The following TTC29 variants were observed in gnomAD, a reference collection of about 807,000 sequenced individuals.
The protein encoded by TTC29 is tetratricopeptide repeat domain 29.
TTC29 carries 49 observed loss-of-function variants against 58.1 expected under a neutral mutation model. The ratio of observed to expected loss-of-function variants is 0.84; its 90% CI spans 0.67 to 1.07. The LOEUF (loss-of-function observed/expected upper bound fraction) is 1.07, where lower values mean the gene tolerates loss of function less well. TTC29 is among the 50% of genes least tolerant of loss of function. The pLI is 0.00. For missense variants in TTC29, 582 were observed against 555.6 expected, an observed-to-expected ratio of 1.05 and a Z score of -0.48; for synonymous variants, 209 against 196.8, an observed-to-expected ratio of 1.06 and a Z score of -0.52.
intron 10 of TTC29, among the ~76,000 whole-genome samples, chr4:146,818,173 C>A (rs1233716867): frequency 1.3e-5 from 2 of 152,172 alleles, no homozygotes; most frequent in African/African-American, 2.4e-5. Context: ...AAAATTTTCA[C>A]AATCTACTCA....
chr4:146,830,629 T>C (rs1331286649), intron 9 of TTC29, among the ~76,000 whole-genome samples: 1 of 152,222 alleles, frequency 6.6e-6, no homozygotes, highest in South Asian at 2.1e-4. Context: ...AAGCTTCATA[T>C]GCAACTTGAT....
chr4:146,713,211 A>T (rs927784882), intron 11 of TTC29, among the ~76,000 whole-genome samples: 1 of 151,758 alleles, frequency 6.6e-6, no homozygotes, highest in Non-Finnish European at 1.5e-5. Context: ...TTTAGCAAAC[A>T]TTTAGTCATG....
intron 7 of TTC29, among the ~76,000 whole-genome samples, chr4:146,873,805 T>C (rs979388796): frequency 1.3e-5 from 2 of 152,180 alleles, no homozygotes; most frequent in Admixed American, 1.3e-4. Flanking sequence ...TTTTCCTCTT[T>C]AGTAAATTAA....
intron 5 of TTC29, among the ~76,000 whole-genome samples, chr4:146,904,555 G>A (rs1733396096): frequency 6.6e-6 from 1 of 152,068 alleles, no homozygotes; most frequent in Admixed American, 6.6e-5. Flanking sequence ...AATAAGTTGT[G>A]CCTCAGTCCT....
intron 10 of TTC29, among the ~76,000 whole-genome samples, chr4:146,816,322 G>T (rs960943608): frequency 1.3e-5 from 2 of 152,076 alleles, no homozygotes; most frequent in East Asian, 3.9e-4. Flanking sequence ...GCCTCACAAG[G>T]GTTTAGGTCT....
chr4:146,908,257 A>T (rs1284195752), intron 5 of TTC29, among the ~76,000 whole-genome samples: 1 of 152,186 alleles, frequency 6.6e-6, no homozygotes, highest in African/African-American at 2.4e-5. Context: ...AATTTGGAGA[A>T]AAGAATAATT....
intron 6 of TTC29, among the ~76,000 whole-genome samples, chr4:146,891,068 T>G (rs1407336164): frequency 6.6e-6 from 1 of 152,066 alleles, no homozygotes; most frequent in Non-Finnish European, 1.5e-5. Context: ...ACAGCAATGA[T>G]GATGAAGGGG....
chr4:146,724,606 T>C (rs984472941), intron 11 of TTC29, among the ~76,000 whole-genome samples: 2 of 151,974 alleles, frequency 1.3e-5, no homozygotes, highest in Non-Finnish European at 2.9e-5. Context: ...CTCTGCCTCC[T>C]GAGTTCAAGC....
At chr4:146,810,928 G>T (rs1233916691) in intron 10 of TTC29, among the ~76,000 whole-genome samples, 3 of 151,896 alleles carry the variant, frequency 2.0e-5, no homozygotes, top group Admixed American at 6.6e-5. Flanking sequence ...GTTAATGGAT[G>T]GTGAAAATAA....
intron 6 of TTC29, among the ~76,000 whole-genome samples, chr4:146,896,020 T>C (rs1732745578): frequency 2.6e-5 from 4 of 152,198 alleles, no homozygotes; most frequent in African/African-American, 9.6e-5. Flanking sequence ...AAATCATACT[T>C]AAATTTTATA....
chr4:146,939,911 G>T lies in TTC29; in HGVS notation c.-6-10C>A. On this transcript the variant is annotated splice_polypyrimidine_tract_variant and intron_variant, in intron 2 of 12. Transcript: ENST00000325106. ...GGGTGGTCATTTCGGACTACAAAAAGAAATAAGTAGAAATTGTATTTTAAG... is the reference window on the plus strand; with the variant it reads ...GGGTGGTCATTTCGGACTACAAAAATAAATAAGTAGAAATTGTATTTTAAG... 6 of 1,592,986 alleles carry T rather than the reference G, an allele frequency of 3.8e-6. No individual in the cohort carries two copies. The highest frequency in any genetic ancestry group is 3.4e-6 in the Non-Finnish European group (4 of 1,171,878).
At chr4:146,774,428 T>C (rs1747947131) in intron 11 of TTC29, among the ~76,000 whole-genome samples, 1 of 152,116 alleles carries the variant, frequency 6.6e-6, no homozygotes, top group African/African-American at 2.4e-5. Flanking sequence ...TACATCTTTG[T>C]TCTTGTTATT....
intron 11 of TTC29, among the ~76,000 whole-genome samples, chr4:146,783,544 A>C (rs1016425445): frequency 2.6e-5 from 4 of 152,132 alleles, no homozygotes; most frequent in Admixed American, 2.0e-4. Context: ...TAAATCTAGA[A>C]TAATCTGCGA....
intron 8 of TTC29, among the ~76,000 whole-genome samples, chr4:146,835,002 A>C (rs963791003): frequency 2.0e-5 from 3 of 152,132 alleles, no homozygotes; most frequent in Admixed American, 6.6e-5. Flanking sequence ...CAAAGTTAAA[A>C]ATTTTGGGGT....
rs767010316 is a variant in TTC29 at position 146,874,769 on chromosome 4, T to C, written c.746A>G (p.Glu249Gly). 1 of 1,610,058 alleles carries C rather than the reference T, an allele frequency of 6.2e-7. No homozygotes were observed. The highest frequency in any genetic ancestry group is 1.3e-5 in the African/African-American group (1 of 74,990). The change falls in exon 7 of 13, where the codon GAA (glutamate) becomes GGA (glycine). Residue 249 changes from glutamate to glycine, a missense_variant. Coordinates refer to ENST00000325106, the MANE Select transcript of TTC29 (RefSeq NM_031956.4). ...LLSDKMLENK[E>G]YKQAIKILIK... ...TAGAATTTTGATGGCCTGTTTGTAT[T>C]CTTTATTTTCTAGCATTTTGTCTGA...
intron 9 of TTC29, among the ~76,000 whole-genome samples, chr4:146,832,812 T>G (rs1728258002): frequency 6.6e-6 from 1 of 152,178 alleles, no homozygotes; most frequent in African/African-American, 2.4e-5. Context: ...AATATGTCTG[T>G]GTTCCTAAAC....
chr4:146,868,881 C>T (rs1185635657), intron 7 of TTC29, among the ~76,000 whole-genome samples: 1 of 151,960 alleles, frequency 6.6e-6, no homozygotes, highest in Non-Finnish European at 1.5e-5. Flanking sequence ...TCATGAATGT[C>T]TTGGTGCCAT....
chr4:146,795,861 T>C (rs1749799703), intron 11 of TTC29, among the ~76,000 whole-genome samples: 1 of 152,162 alleles, frequency 6.6e-6, no homozygotes, highest in Non-Finnish European at 1.5e-5. Flanking sequence ...AGAAAGCATC[T>C]AGCTGAACTG....
intron 11 of TTC29, among the ~76,000 whole-genome samples, chr4:146,777,566 A>G (rs1748203819): frequency 6.6e-6 from 1 of 152,190 alleles, no homozygotes; most frequent in Non-Finnish European, 1.5e-5. Flanking sequence ...TATGCTGTTT[A>G]CAATTCATGT....
Sources: gnomAD v4.1 joint callset for allele counts (sites outside exome capture counted in the v4.1 genomes callset) on GRCh38, gnomAD v4.1.1 for gene constraint, MANE v1.5 for transcripts, NCBI Gene and HGNC (gene_info 2026-07-23, HGNC 2026-07-21) for gene names.